The following FRS3 variants were observed in gnomAD, a reference collection of about 807,000 sequenced individuals.
The protein encoded by FRS3 is FGFR substrate 3.
In FRS3, 17 loss-of-function variants were observed where a neutral mutation model predicts 41.9. That is an observed-to-expected ratio of 0.41 (90% CI 0.28 to 0.61). FRS3 has a LOEUF of 0.61. FRS3 is among the 20% of genes least tolerant of loss of function. The probability of loss-of-function intolerance (pLI) is 0.36; values close to 1 mark genes in which losing one functional copy is unlikely to be tolerated. For synonymous variants in FRS3, 287 were observed against 274.5 expected (o/e 1.05, Z -0.45); for missense variants, 619 against 672.1 (o/e 0.92, Z 0.87).
At position 41,771,864 on chromosome 6, in the gene FRS3, G is replaced by A. The variant is rs1474164392; in HGVS notation, c.516C>T (p.Pro172=). 1.3e-6 allele frequency: 2 copies of A among 1,553,356 alleles called. No homozygotes were observed. Among genetic ancestry groups the A allele is most frequent in the East Asian group, 2.4e-5 (1 of 41,240 alleles). Reference sequence around the variant, plus strand: ...CATGGGTGGACTCTTCCCCAAGCGAGGGGTGCCGCAGGCTGCTTGTCGAGA... The same window carrying A: ...CATGGGTGGACTCTTCCCCAAGCGAAGGGTGCCGCAGGCTGCTTGTCGAGA... The part of the protein sequence containing the change: ...RRLSTSSLRH[P]SLGEESTHAL... The change falls in exon 6 of 7, where the codon CCC becomes CCT. Residue 172 remains proline (P), a synonymous_variant. Coordinates refer to ENST00000373018, the MANE Select transcript of FRS3 (RefSeq NM_006653.5).
Position 41,770,389 on chromosome 6 carries a change from C to T in FRS3, c.*230G>A, listed in dbSNP as rs1017908591. On this transcript the variant is annotated 3_prime_UTR_variant, in exon 7 of 7. Transcript: ENST00000373018. ...CAGGAACCCTTCACAGTTGACGTCT[C>T]GGCTCCCTCCTCGCCTGGTCACCCT... 24 of 585,686 alleles carry T rather than the reference C, an allele frequency of 4.1e-5. No homozygotes were observed. The highest frequency in any genetic ancestry group is 6.4e-5 in the Non-Finnish European group (21 of 329,314). The allele number at this position is 585,686 out of a possible 1,614,324, so 36.3% of individuals were successfully genotyped here. A position where few individuals can be genotyped will look rare whatever the true frequency, so the allele number is the denominator to read the frequency against.
At chr6:41,777,898 A>G (rs1415454776) in intron 2 of FRS3, 135 bp downstream of exon 2, 1 of 152,600 alleles carries the variant, frequency 6.6e-6, no homozygotes, top group Non-Finnish European at 1.5e-5. Flanking sequence ...GTCACAAGAA[A>G]TAAGTCTGTA....
At chr6:41,772,051 C>T in intron 5 of FRS3, 87 bp from the exon 6 acceptor site, 1 of 1,117,234 alleles carries the variant, frequency 9.0e-7, no homozygotes, top group South Asian at 1.6e-5. Flanking sequence ...TCCTGGGACT[C>T]CTCTAATGGA....
At chr6:41,775,915 A>G (rs1772401413) in intron 3 of FRS3, among the ~76,000 whole-genome samples, 2 of 152,242 alleles carry the variant, frequency 1.3e-5, no homozygotes, top group African/African-American at 2.4e-5. Context: ...TAGACAGCCC[A>G]TGCCTTAGTA....
intron 6 of FRS3, 103 bp downstream of exon 6, chr6:41,771,713 T>C: frequency 7.5e-7 from 1 of 1,324,966 alleles, no homozygotes; most frequent in Non-Finnish European, 1.0e-6. Context: ...GTTACAATGT[T>C]CTTCCCCTTC....
intron 4 of FRS3, among the ~76,000 whole-genome samples, chr6:41,774,412 G>A (rs1436490213): frequency 6.6e-6 from 1 of 152,150 alleles, no homozygotes; most frequent in African/African-American, 2.4e-5. Context: ...CCCAGTGTGT[G>A]GCCAGAAAGC....
intron 5 of FRS3, 30 bp downstream of exon 5, chr6:41,772,768 G>GTGTGTGTA: frequency 6.3e-7 from 1 of 1,575,492 alleles, no homozygotes; most frequent in Non-Finnish European, 8.6e-7. Context: ...GTGTGTGTGT[G>GTGTGTGTA]TGTGTGTGTG....
At chr6:41,772,650 G>T in intron 5 of FRS3, 148 bp downstream of exon 5, 1 of 877,240 alleles carries the variant, frequency 1.1e-6, no homozygotes, top group Admixed American at 2.7e-5. Context: ...CTCAAGAATG[G>T]TTCTGATCAT....
intron 6 of FRS3, 105 bp downstream of exon 6, chr6:41,771,711 G>T: frequency 7.6e-7 from 1 of 1,318,920 alleles, no homozygotes; most frequent in Non-Finnish European, 1.0e-6. Flanking sequence ...CCGTTACAAT[G>T]TTCTTCCCCT....
Position 41,776,994 on chromosome 6 carries a change from A to G in FRS3, c.-7T>C. 6.2e-7 allele frequency: 1 copy of G among 1,613,904 alleles called. No individual in the cohort carries two copies. The highest frequency in any genetic ancestry group is 8.5e-7 in the Non-Finnish European group (1 of 1,179,760). On this transcript the variant is annotated 5_prime_UTR_variant, in exon 3 of 7. It removes the in-frame stop codon of an upstream open reading frame in the 5' UTR. Transcript: ENST00000373018. ...AGCTGCAGCAGCTCCCCATGGTGTC[A>G]GAGCAGCCAGCCTGCCCTAGGAAAA...
At chr6:41,778,745 A>C (rs1772461890) in intron 1 of FRS3, among the ~76,000 whole-genome samples, 1 of 152,188 alleles carries the variant, frequency 6.6e-6, no homozygotes, top group African/African-American at 2.4e-5. Context: ...TAAAATTGAC[A>C]TGTTCATCTT....
intron 4 of FRS3, among the ~76,000 whole-genome samples, chr6:41,773,166 G>A (rs1341625696): frequency 5.9e-5 from 9 of 152,004 alleles, no homozygotes; most frequent in Non-Finnish European, 1.2e-4. Context: ...GCAATGGTGC[G>A]ATCTCAGCTC....
At chr6:41,772,494 G>A (rs1023685486) in intron 5 of FRS3, among the ~76,000 whole-genome samples, 2 of 152,162 alleles carry the variant, frequency 1.3e-5, no homozygotes, top group African/African-American at 4.8e-5. Flanking sequence ...CCAATAGACA[G>A]AGGAAGAAAG....
In FRS3 at chr6:41,771,307, T is replaced by C. The variant is rs1395921065; in HGVS notation, c.791A>G (p.His264Arg). 3.1e-6 allele frequency: 5 copies of C among 1,613,436 alleles called. No homozygotes were observed. The highest frequency in any genetic ancestry group is 2.2e-5 in the East Asian group (1 of 44,856). The stretch of plus-strand genomic sequence containing the variant: ...GTTATTATTGTGGTGTGGGGGGTCA[T>C]GCAGGCTGGGACAGAGGCCCTGGCA... Reference protein sequence around the residue: ...VKCQGLCPSLHDPPHHNNNNE... With the variant: ...VKCQGLCPSLRDPPHHNNNNE... Residue 264 changes from histidine (H) to arginine (R), a missense_variant, in exon 7 of 7, where the codon CAT becomes CGT. By Grantham distance (29) the His-to-Arg change is conservative (BLOSUM62 0). Around this residue, in one of 3 missense-constraint regions of FRS3, gnomAD observed 487 missense variants for 478.3 expected, o/e 1.02. Coordinates refer to ENST00000373018, the MANE Select transcript of FRS3 (RefSeq NM_006653.5).
intron 3 of FRS3, chr6:41,776,641 G>T: frequency 2.6e-6 from 1 of 381,914 alleles, no homozygotes; most frequent in South Asian, 6.1e-5. Flanking sequence ...AAAAGGGGGG[G>T]GGATATATAA....
chr6:41,772,683 G>GC, intron 5 of FRS3, 115 bp downstream of exon 5: 3 of 1,214,134 alleles, frequency 2.5e-6, no homozygotes, highest in Non-Finnish European at 2.3e-6. Context: ...TGGAAGGTTG[G>GC]CTCACCCAGC....
chr6:41,775,582 C>T lies in FRS3; in HGVS notation c.90G>A (p.Gly30=). ...KFKVTNVDDE[G]VELGSGVMEL... ...CCATCACCCCAGAGCCCAGCTCCAC[C>T]CCCTCATCATCCACATTTGTCACCT... is the stretch of plus-strand genomic sequence containing the variant. Residue 30 remains glycine, a synonymous_variant, in exon 4 of 7, where the codon GGG becomes GGA. Coordinates refer to ENST00000373018, the MANE Select transcript of FRS3 (RefSeq NM_006653.5). 6.2e-7 allele frequency: 1 copy of T among 1,613,954 alleles called. No homozygotes were observed.
intron 1 of FRS3, among the ~76,000 whole-genome samples, chr6:41,778,642 C>T (rs570696373): frequency 1.3e-5 from 2 of 152,272 alleles, no homozygotes; most frequent in South Asian, 2.1e-4. Flanking sequence ...CCAACTCCCA[C>T]CTAAGGCCTT....
At position 41,771,187 on chromosome 6, in the gene FRS3, G is replaced by C. The variant is rs745857464; in HGVS notation, c.911C>G (p.Pro304Arg). ...AAGGCCATTCCAGCCCGGCTCCTCTGGGCTCAGTCTCCAGCCAGCCCCTCG... is the reference window on the plus strand; with the variant it reads ...AAGGCCATTCCAGCCCGGCTCCTCTCGGCTCAGTCTCCAGCCAGCCCCTCG... Reference protein sequence around the residue: ...LWRGAGWRLSPEEPGWNGLAH... With the variant: ...LWRGAGWRLSREEPGWNGLAH... Residue 304 changes from proline to arginine, a missense_variant, in exon 7 of 7, where the codon CCA (proline) becomes CGA (arginine). Physicochemically the swap from Pro to Arg is moderately radical, Grantham distance 103. Coordinates refer to ENST00000373018, the MANE Select transcript of FRS3 (RefSeq NM_006653.5). 3.9e-6 allele frequency: 6 copies of C among 1,558,232 alleles called. No individual in the cohort carries two copies. In the South Asian group the frequency reaches 7.3e-5, roughly 19 times the overall value.
Sources: gnomAD v4.1 joint callset for allele counts (sites outside exome capture counted in the v4.1 genomes callset) on GRCh38, gnomAD v4.1.1 for gene constraint, gnomAD v4.1.1 regional missense constraint, MANE v1.5 for transcripts, NCBI Gene and HGNC (gene_info 2026-07-23, HGNC 2026-07-21) for gene names.